The following ANO1 variants were observed in gnomAD, a reference collection of about 807,000 sequenced individuals.
The protein encoded by ANO1 is anoctamin 1, also known as anoctamin-1.
ANO1 carries 59 observed loss-of-function variants against 124.0 expected under a neutral mutation model. The observed-to-expected ratio is 0.48, with a 90% CI of 0.39 to 0.59. ANO1 has a LOEUF of 0.59. ANO1 is among the 20% of genes least tolerant of loss of function. The pLI is 0.00. For missense variants in ANO1, 1,059 were observed against 1,328.0 expected (o/e 0.80, Z 3.15); for synonymous variants, 529 against 532.0 (o/e 0.99, Z 0.08).
At chr11:70,013,998 G>C (rs1555001501) in intron 1 of ANO1, among the ~76,000 whole-genome samples, 1 of 111,656 alleles carries the variant, frequency 9.0e-6, no homozygotes, top group African/African-American at 3.3e-5. Flanking sequence ...CTCTGTGCAC[G>C]GACAGAGAGA....
chr11:70,077,309 G>A (rs1384776244), upstream of ANO1, among the ~76,000 whole-genome samples: 1 of 152,196 alleles, frequency 6.6e-6, no homozygotes. Flanking sequence ...ATATTTGGGT[G>A]GGAAGGGGAC....
rs187036144 is a variant in ANO1, at chr11:70,093,162, C to G, written c.441+5078C>G. Among the ~76,000 whole-genome samples, 15 of 151,556 alleles carry G rather than the reference C, an allele frequency of 9.9e-5. No homozygotes were observed. In the East Asian group the frequency reaches 2.5e-3, roughly 26 times the overall value. On this transcript the variant is annotated intron_variant, in intron 2 of 25. Coordinates refer to ENST00000355303, the MANE Select transcript of ANO1 (RefSeq NM_018043.7). ...TGTCTCTCTCTCCCTTCTGTCTCCT[C>G]TCCCTCTCTATCATTCCCTTTCTCT...
intron 22 of ANO1, among the ~76,000 whole-genome samples, chr11:70,176,985 G>T (rs1337097935): frequency 6.6e-6 from 1 of 152,108 alleles, no homozygotes; most frequent in African/African-American, 2.4e-5. Context: ...AGAGCCATCC[G>T]CCTGGACGTA....
intron 1 of ANO1, among the ~76,000 whole-genome samples, chr11:69,986,403 C>G (rs1476285915): frequency 6.6e-6 from 1 of 151,754 alleles, no homozygotes; most frequent in Non-Finnish European, 1.5e-5. Flanking sequence ...GACAAACAGA[C>G]GACAGACAGA....
chr11:69,977,273 C>A, the ANO1 span, among the ~76,000 whole-genome samples: 1 of 152,184 alleles, frequency 6.6e-6, no homozygotes, highest in Non-Finnish European at 1.5e-5. Context: ...CAGTCCATCC[C>A]CAGTGGTCCC....
chr11:70,118,416 C>T (rs548921815), intron 8 of ANO1, among the ~76,000 whole-genome samples: 2 of 152,266 alleles, frequency 1.3e-5, no homozygotes, highest in South Asian at 4.2e-4. Flanking sequence ...TCCCACTCCC[C>T]ATGTAATTTT....
intron 1 of ANO1, among the ~76,000 whole-genome samples, chr11:70,080,711 G>T (rs532763682): frequency 6.6e-6 from 1 of 152,376 alleles, no homozygotes; most frequent in Admixed American, 6.5e-5. Context: ...GAGACCATCA[G>T]CTCCTGGGTT....
intron 1 of ANO1, among the ~76,000 whole-genome samples, chr11:70,048,702 C>G (rs1469544943): frequency 2.7e-5 from 4 of 150,100 alleles, no homozygotes; most frequent in Admixed American, 2.7e-4. Context: ...TTCTCCACCC[C>G]CCACCGCTGA....
intron 2 of ANO1, among the ~76,000 whole-genome samples, chr11:70,093,191 C>G (rs1267312746): frequency 6.6e-6 from 1 of 150,786 alleles, no homozygotes; most frequent in African/African-American, 2.5e-5. Flanking sequence ...TTTCTCTCTT[C>G]TCTCTCTCCT....
chr11:70,078,814 C>A (rs1429238981), intron 1 of ANO1, 100 bp downstream of exon 1: 3 of 673,228 alleles, frequency 4.5e-6, no homozygotes, highest in Non-Finnish European at 6.0e-6. Context: ...GACCCCAGGG[C>A]GGGGGCCGCA....
chr11:70,112,053 C>A (rs1193853838), intron 7 of ANO1, among the ~76,000 whole-genome samples: 2 of 152,240 alleles, frequency 1.3e-5, no homozygotes, highest in African/African-American at 4.8e-5. Flanking sequence ...CACAGAATGT[C>A]TTTCCTGGCC....
chr11:70,069,543 G>C (rs990811032), intron 1 of ANO1, among the ~76,000 whole-genome samples: 1 of 151,208 alleles, frequency 6.6e-6, no homozygotes, highest in Non-Finnish European at 1.5e-5. Flanking sequence ...GGGGGAGGAG[G>C]ACACTTGATT....
chr11:70,114,383 G>T (rs1417282111), intron 7 of ANO1, among the ~76,000 whole-genome samples: 1 of 152,236 alleles, frequency 6.6e-6, no homozygotes, highest in Non-Finnish European at 1.5e-5. Flanking sequence ...TTGGGGAGAT[G>T]ACTGGTTCTG....
the ANO1 span, among the ~76,000 whole-genome samples, chr11:69,969,667 G>A: frequency 3.3e-5 from 5 of 152,188 alleles, no homozygotes; most frequent in African/African-American, 9.6e-5. Context: ...ACCCGGATGC[G>A]GCCAGGCACG....
chr11:70,047,077 T>G (rs1857271589), intron 1 of ANO1, among the ~76,000 whole-genome samples: 2 of 66,422 alleles, frequency 3.0e-5, no homozygotes, highest in East Asian at 4.7e-4. Flanking sequence ...CGAGACTCTG[T>G]CTCAAAAAAA....
At chr11:70,150,679 C>T (rs1158674985) in intron 12 of ANO1, among the ~76,000 whole-genome samples, 1 of 152,142 alleles carries the variant, frequency 6.6e-6, no homozygotes, top group Non-Finnish European at 1.5e-5. Flanking sequence ...GGGCTACAGA[C>T]ACACACAACC....
intron 16 of ANO1, among the ~76,000 whole-genome samples, chr11:70,157,489 G>C (rs1212225030): frequency 6.6e-6 from 1 of 152,134 alleles, no homozygotes. Context: ...GGGTGGGGAA[G>C]ACTCACCACT....
At chr11:70,094,829 A>T (rs930456883) in intron 2 of ANO1, among the ~76,000 whole-genome samples, 4 of 152,192 alleles carry the variant, frequency 2.6e-5, no homozygotes, top group African/African-American at 9.7e-5. Flanking sequence ...TCTTCAGCTG[A>T]GGCGCGAAAC....
chr11:70,109,674 A>G (rs2045692073), intron 6 of ANO1, among the ~76,000 whole-genome samples: 1 of 152,232 alleles, frequency 6.6e-6, no homozygotes, highest in Non-Finnish European at 1.5e-5. Context: ...TTCTGGTCCC[A>G]GGGCCGGGTC....
Sources: allele counts gnomAD v4.1 joint callset (sites outside exome capture counted in the v4.1 genomes callset), GRCh38; gene constraint gnomAD v4.1.1; transcripts MANE v1.5; gene names NCBI Gene and HGNC (gene_info 2026-07-23, HGNC 2026-07-21).